The following GRM7 variants were observed in gnomAD, a reference collection of about 807,000 sequenced individuals.
The protein encoded by GRM7 is metabotropic glutamate receptor 7.
A neutral mutation model predicts 84.5 loss-of-function variants in GRM7; 35 were observed. The observed-to-expected ratio is 0.41, with a 90% confidence interval of 0.32 to 0.55. The LOEUF (loss-of-function observed/expected upper bound fraction) is 0.55. GRM7 is among the 20% of genes least tolerant of loss of function. GRM7 has a pLI of 0.19. For synonymous variants in GRM7, 487 were observed against 455.1 expected (o/e 1.07, Z -0.89); for missense variants, 1,003 against 1,194.6 (o/e 0.84, Z 2.36).
In GRM7 at chr3:7,276,201, ATATATATGTG is replaced by A. The variant is rs1451457258; in HGVS notation, c.737-22481_737-22472del. The stretch of plus-strand genomic sequence containing the variant: ...CCATTATTTTTTAAATTATATATAT[ATATATATGTG>A]TGTGTGTGTGTGTGTGTGTGTGTGT... On this transcript the variant is annotated intron_variant, in intron 2 of 9. Transcript: ENST00000357716. 6.6e-4 allele frequency among the ~76,000 whole-genome samples: 88 copies of A among 134,222 alleles called. 1 individual carries two copies. The highest frequency in any genetic ancestry group is 3.6e-3 in the Middle Eastern group (1 of 274). The allele number at this position is 134,222 out of a possible 152,430, so 88.1% of individuals were successfully genotyped here. A position where few individuals can be genotyped will look rare whatever the true frequency, so the allele number is the denominator to read the frequency against.
At chr3:7,520,248 T>C (rs1372833215) in intron 7 of GRM7, 2 of 152,200 alleles carry the variant, frequency 1.3e-5, no homozygotes, top group Non-Finnish European at 2.9e-5. Flanking sequence ...CCAGAAGAGC[T>C]TGGTAATCTC....
chr3:7,385,375 A>T (rs1694746523), intron 4 of GRM7, among the ~76,000 whole-genome samples: 4 of 133,876 alleles, frequency 3.0e-5, no homozygotes, highest in Middle Eastern at 4.9e-3. Flanking sequence ...ATCTTGGCTC[A>T]CTGCAAGCTC....
chr3:7,189,747 T>A (rs1695645081), intron 2 of GRM7, among the ~76,000 whole-genome samples: 1 of 152,102 alleles, frequency 6.6e-6, no homozygotes, highest in African/African-American at 2.4e-5. Flanking sequence ...TAAAAATAAT[T>A]CTTGACACCT....
At chr3:7,589,670 G>T (rs1362524966) in intron 8 of GRM7, among the ~76,000 whole-genome samples, 3 of 152,096 alleles carry the variant, frequency 2.0e-5, no homozygotes, top group African/African-American at 7.2e-5. Flanking sequence ...TAATGAAGGG[G>T]TTTGGGAAAT....
intron 7 of GRM7, among the ~76,000 whole-genome samples, chr3:7,515,702 A>G (rs1368241100): frequency 6.6e-6 from 1 of 152,228 alleles, no homozygotes; most frequent in Non-Finnish European, 1.5e-5. Flanking sequence ...CAAGTAATCC[A>G]TGAGCCACAA....
intron 7 of GRM7, among the ~76,000 whole-genome samples, chr3:7,477,172 G>A (rs534854062): frequency 1.3e-5 from 2 of 152,260 alleles, no homozygotes; most frequent in East Asian, 1.9e-4. Flanking sequence ...AGTTGAGAGA[G>A]AAGAGACATT....
intron 2 of GRM7, among the ~76,000 whole-genome samples, chr3:7,247,880 T>G (rs972546653): frequency 6.6e-6 from 1 of 151,878 alleles, no homozygotes. Context: ...AAGTGCCAAA[T>G]AAAATGATAA....
At chr3:7,472,304 A>C (rs2124925111) in intron 7 of GRM7, among the ~76,000 whole-genome samples, 1 of 152,326 alleles carries the variant, frequency 6.6e-6, no homozygotes, top group East Asian at 1.9e-4. Flanking sequence ...CATAAAATGG[A>C]CTAAGAGAGT....
chr3:7,637,618 A>T (rs1698158640), intron 8 of GRM7, among the ~76,000 whole-genome samples: 1 of 152,214 alleles, frequency 6.6e-6, no homozygotes, highest in Admixed American at 6.5e-5. Flanking sequence ...GAGGAGGCAC[A>T]CCTGTTTGAA....
chr3:7,264,541 G>A (rs1698560307), intron 2 of GRM7, among the ~76,000 whole-genome samples: 1 of 14,152 alleles, frequency 7.1e-5, no homozygotes, highest in Non-Finnish European at 1.3e-4. Flanking sequence ...CCCATACATG[G>A]TAGCCCCATG....
intron 4 of GRM7, among the ~76,000 whole-genome samples, chr3:7,374,563 C>G (rs1248993097): frequency 6.6e-6 from 1 of 151,864 alleles, no homozygotes; most frequent in African/African-American, 2.4e-5. Context: ...ACTGCAACCT[C>G]TGCCTCCAGG....
intron 7 of GRM7, among the ~76,000 whole-genome samples, chr3:7,562,687 T>C (rs187834443): frequency 9.9e-5 from 15 of 152,202 alleles, no homozygotes; most frequent in Middle Eastern, 3.4e-3. Context: ...TGTTGAGAGA[T>C]AGATATTACA....
chr3:7,686,049 G>A (rs1026911836), intron 9 of GRM7, among the ~76,000 whole-genome samples: 5 of 152,154 alleles, frequency 3.3e-5, no homozygotes, highest in African/African-American at 1.2e-4. Context: ...AAAAGGGCTG[G>A]CAAGAAGAAG....
chr3:6,915,070 AC>A (rs1696896627), intron 1 of GRM7, among the ~76,000 whole-genome samples: 1 of 152,192 alleles, frequency 6.6e-6, no homozygotes, highest in African/African-American at 2.4e-5. Flanking sequence ...CTTACTTAGG[AC>A]TTACTGCTCC....
chr3:7,663,938 G>A (rs962791104), intron 8 of GRM7, among the ~76,000 whole-genome samples: 3 of 152,144 alleles, frequency 2.0e-5, no homozygotes, highest in Non-Finnish European at 2.9e-5. Flanking sequence ...TTAACACTGC[G>A]CCTTAATGCA....
At chr3:7,425,613 T>G (rs1696575542) in intron 5 of GRM7, among the ~76,000 whole-genome samples, 1 of 152,160 alleles carries the variant, frequency 6.6e-6, no homozygotes. Context: ...GCTACCAAAG[T>G]GGTCCAACAC....
At chr3:7,064,949 A>T (rs1697598070) in intron 1 of GRM7, among the ~76,000 whole-genome samples, 1 of 151,706 alleles carries the variant, frequency 6.6e-6, no homozygotes, top group South Asian at 2.1e-4. Context: ...GTGATGTTGG[A>T]CATTTTTTCA....
chr3:7,586,537 G>A (rs1695523912), intron 8 of GRM7, among the ~76,000 whole-genome samples: 1 of 152,204 alleles, frequency 6.6e-6, no homozygotes, highest in Non-Finnish European at 1.5e-5. Context: ...GCTGGGCGCA[G>A]TGGCTCACGC....
intron 1 of GRM7, among the ~76,000 whole-genome samples, chr3:6,911,010 C>G (rs1273716048): frequency 1.3e-5 from 2 of 152,144 alleles, no homozygotes; most frequent in African/African-American, 4.8e-5. Flanking sequence ...TATTTTTTTC[C>G]TGGGCCCTGG....
Sources: gnomAD v4.1 joint callset for allele counts (sites outside exome capture counted in the v4.1 genomes callset) on GRCh38, gnomAD v4.1.1 for gene constraint, MANE v1.5 for transcripts, NCBI Gene and HGNC (gene_info 2026-07-23, HGNC 2026-07-21) for gene names.